RAPGEF5: variants seen among roughly 807,000 people sequenced by gnomAD.
RAPGEF5 encodes the protein Rap guanine nucleotide exchange factor 5.
RAPGEF5 carries 65 observed loss-of-function variants against 125.2 expected under a neutral mutation model. The ratio of observed to expected loss-of-function variants is 0.52; its 90% CI spans 0.43 to 0.64. The LOEUF (loss-of-function observed/expected upper bound fraction) is 0.64, where lower values mean the gene tolerates loss of function less well. RAPGEF5 is among the 30% of genes least tolerant of loss of function. The pLI is 0.00. For synonymous variants in RAPGEF5, 391 were observed against 385.9 expected (o/e 1.01, Z -0.16); for missense variants, 958 against 1,048.1 (o/e 0.91, Z 1.19).
Position 22,356,818 on chromosome 7 carries a change from CGG to C in RAPGEF5, c.231+10_231+11del. 1 of 1,159,358 alleles carries C rather than the reference CGG, an allele frequency of 8.6e-7. No individual in the cohort carries two copies. Among genetic ancestry groups the C allele is most frequent in the Non-Finnish European group, 1.1e-6 (1 of 940,572 alleles). 71.8% of individuals were successfully genotyped at this position (1,159,358 alleles called of 1,614,324 possible). On this transcript the variant is annotated intron_variant, in intron 1 of 25. Transcript: ENST00000665637. ...CCGCCCGTGCCCACTCGGACAGGGC[CGG>C]GCCACTCACCCGGCCCCCAGCGGCG...
intron 16 of RAPGEF5, 75 bp from the exon 17 acceptor site, chr7:22,154,679 C>A: frequency 3.3e-6 from 5 of 1,511,004 alleles, no homozygotes; most frequent in African/African-American, 1.4e-5. Context: ...AATCAAGGCA[C>A]CTTGATCAAC....
intron 6 of RAPGEF5, among the ~76,000 whole-genome samples, chr7:22,290,472 G>A (rs1329246586): frequency 1.3e-5 from 2 of 152,210 alleles, no homozygotes; most frequent in African/African-American, 4.8e-5. Flanking sequence ...AAGGCCGGGC[G>A]CGGTGGCTCA....
intron 6 of RAPGEF5, among the ~76,000 whole-genome samples, chr7:22,271,339 G>A (rs1782421595): frequency 6.6e-6 from 1 of 152,082 alleles, no homozygotes; most frequent in Non-Finnish European, 1.5e-5. Flanking sequence ...CTTTCTCCAA[G>A]GCCCCATATT....
chr7:22,222,583 G>C (rs1785818160), intron 8 of RAPGEF5, among the ~76,000 whole-genome samples: 2 of 152,286 alleles, frequency 1.3e-5, no homozygotes, highest in African/African-American at 2.4e-5. Flanking sequence ...CTAGAAAAGA[G>C]CTGTAGGGAG....
chr7:22,130,865 G>T, intron 24 of RAPGEF5, 172 bp downstream of exon 24: 1 of 819,002 alleles, frequency 1.2e-6, no homozygotes, highest in Non-Finnish European at 1.9e-6. Flanking sequence ...ACATTTTGTT[G>T]GCAGCGTACA....
rs534059433 is a variant in RAPGEF5, at chr7:22,230,024, A to T, written c.870+822T>A. Reference sequence around the variant, plus strand: ...GAGAAATAAAATTGCATTCAAACAGACATTTACCCATAGAATAAGTTCAGA... The same window carrying T: ...GAGAAATAAAATTGCATTCAAACAGTCATTTACCCATAGAATAAGTTCAGA... On this transcript the variant is annotated intron_variant, in intron 8 of 25. Transcript: ENST00000665637. Among the ~76,000 whole-genome samples, 33 of 152,348 alleles carry T rather than the reference A, an allele frequency of 2.2e-4. 1 individual carries two copies. The South Asian group carries it at 6.8e-3, about 32-fold the overall frequency.
chr7:22,353,979 G>C (rs1021264519), intron 1 of RAPGEF5, among the ~76,000 whole-genome samples: 2 of 152,152 alleles, frequency 1.3e-5, no homozygotes, highest in African/African-American at 4.8e-5. Context: ...GCTGAGGTGG[G>C]AGGACCGCTT....
intron 20 of RAPGEF5, among the ~76,000 whole-genome samples, chr7:22,144,751 G>A (rs1056517308): frequency 1.3e-5 from 2 of 152,156 alleles, no homozygotes; most frequent in Non-Finnish European, 2.9e-5. Context: ...AGCTCACCCA[G>A]ACACACTGTA....
chr7:22,312,718 T>A (rs561072551), intron 3 of RAPGEF5, among the ~76,000 whole-genome samples: 2 of 152,364 alleles, frequency 1.3e-5, no homozygotes, highest in East Asian at 3.9e-4. Context: ...TTGCATATGA[T>A]CCCTTTCTAT....
At chr7:22,213,993 T>C (rs1253253500) in intron 9 of RAPGEF5, among the ~76,000 whole-genome samples, 5 of 152,124 alleles carry the variant, frequency 3.3e-5, no homozygotes, top group East Asian at 1.9e-4. Flanking sequence ...CAAAATGAAA[T>C]TTGGGAAAAG....
At chr7:22,233,872 C>T (rs184546063) in intron 7 of RAPGEF5, among the ~76,000 whole-genome samples, 97 of 152,234 alleles carry the variant, frequency 6.4e-4, no homozygotes, top group Non-Finnish European at 1.3e-3. Flanking sequence ...ACCTCAAAAT[C>T]GGTTGCCTAG....
intron 9 of RAPGEF5, among the ~76,000 whole-genome samples, chr7:22,214,537 C>T (rs1785586372): frequency 6.6e-6 from 1 of 152,176 alleles, no homozygotes; most frequent in Admixed American, 6.5e-5. Context: ...GTGAATAGTG[C>T]AGCTATATTC....
intron 1 of RAPGEF5, among the ~76,000 whole-genome samples, chr7:22,343,320 A>C (rs1422049861): frequency 6.6e-6 from 1 of 152,228 alleles, no homozygotes; most frequent in Admixed American, 6.5e-5. Context: ...ATTCAAGATG[A>C]GATCTGGGTA....
At position 22,272,235 on chromosome 7, in the gene RAPGEF5, C is replaced by T. The variant is rs148381151; in HGVS notation, c.748-5223G>A. Among the ~76,000 whole-genome samples, 61 of 149,840 alleles carry T rather than the reference C, an allele frequency of 4.1e-4. 1 individual carries two copies. The East Asian group carries it at 9.7e-3, about 24-fold the overall frequency. ...GCACGCACCCGTAATCTCAGCTACT[C>T]GGGAGGCCTAGGCAGGAGAATCACT... On this transcript the variant is annotated intron_variant, in intron 6 of 25. Transcript: ENST00000665637.
chr7:22,214,101 G>A (rs142926586), intron 9 of RAPGEF5, among the ~76,000 whole-genome samples: 13 of 152,266 alleles, frequency 8.5e-5, no homozygotes, highest in African/African-American at 2.6e-4. Context: ...AACCTTTGAC[G>A]TAGGCAGAAT....
At chr7:22,179,028 CA>C (rs1319307113) in intron 11 of RAPGEF5, among the ~76,000 whole-genome samples, 1 of 152,074 alleles carries the variant, frequency 6.6e-6, no homozygotes, top group Admixed American at 6.6e-5. Flanking sequence ...TGATTAAAAC[CA>C]AATACTAAAA....
chr7:22,308,938 G>T (rs986699863), intron 4 of RAPGEF5, among the ~76,000 whole-genome samples: 2 of 152,120 alleles, frequency 1.3e-5, no homozygotes, highest in South Asian at 4.1e-4. Flanking sequence ...ATTTGGTGAC[G>T]TCTAGACATT....
At chr7:22,242,508 G>T (rs1786356922) in intron 7 of RAPGEF5, among the ~76,000 whole-genome samples, 1 of 152,112 alleles carries the variant, frequency 6.6e-6, no homozygotes, top group Non-Finnish European at 1.5e-5. Context: ...AGGGCCCCTG[G>T]TCACCACTCG....
chr7:22,221,411 A>G (rs1176276552), intron 8 of RAPGEF5, among the ~76,000 whole-genome samples: 2 of 152,232 alleles, frequency 1.3e-5, no homozygotes, highest in African/African-American at 4.8e-5. Context: ...CAATGTGACA[A>G]TCTTTCAAAT....
Sources: allele counts gnomAD v4.1 joint callset (sites outside exome capture counted in the v4.1 genomes callset), GRCh38; gene constraint gnomAD v4.1.1; transcripts MANE v1.5; gene names NCBI Gene and HGNC (gene_info 2026-07-23, HGNC 2026-07-21).